Variants in NFRKB observed in about 807,000 individuals in gnomAD.
The protein encoded by NFRKB is nuclear factor related to kappaB binding protein, also known as nuclear factor related to kappa-B-binding protein.
Under a neutral mutation model 135.7 loss-of-function variants are expected in NFRKB, and 62 were observed. The observed-to-expected ratio is 0.46, with a 90% CI of 0.37 to 0.56. NFRKB has a LOEUF of 0.56. Among genes scored for constraint, NFRKB ranks in the 20% least tolerant of loss-of-function variants. The pLI is 0.00. For synonymous variants in NFRKB, 678 were observed against 635.6 expected (o/e 1.07, Z -1.00); for missense variants, 1,545 against 1,662.0 (o/e 0.93, Z 1.22).
intron 24 of NFRKB, among the ~76,000 whole-genome samples, chr11:129,868,962 G>C (rs959698907): frequency 5.9e-5 from 9 of 151,978 alleles, no homozygotes; most frequent in African/African-American, 2.2e-4. Context: ...GGAGGTTGCA[G>C]TGAGCCGAGA....
rs368983287 is a variant in NFRKB, at chr11:129,872,978, C to T, written c.2669G>A (p.Ser890Asn). The change falls in exon 23 of 27, where the codon AGT becomes AAT. Residue 890 changes from serine (S) to asparagine (N), a missense_variant. Coordinates refer to ENST00000682444, the MANE Select transcript of NFRKB (RefSeq NM_001143835.2). ...CCCAGGAGAACTCGTGGCTGGCTTACTCACAGGGCTGGCTGTGGCAGGGAG... is the reference window on the plus strand; with the variant it reads ...CCCAGGAGAACTCGTGGCTGGCTTATTCACAGGGCTGGCTGTGGCAGGGAG... ...TSLPATASPV[S>N]KPATSSPGTS... 2.5e-6 allele frequency: 4 copies of T among 1,614,094 alleles called. No individual in the cohort carries two copies. In the African/African-American group the frequency reaches 5.3e-5, roughly 22 times the overall value.
Position 129,878,282 on chromosome 11 carries a change from C to T in NFRKB, c.1511+27G>A, listed in dbSNP as rs371715739. ...TCTGAACTACAGTTTCCCAGGACACCACCCACCACTACAGTATTGTACTCA... is the reference window on the plus strand; with the variant it reads ...TCTGAACTACAGTTTCCCAGGACACTACCCACCACTACAGTATTGTACTCA... On this transcript the variant is annotated intron_variant, in intron 15 of 26. Coordinates refer to ENST00000682444, the MANE Select transcript of NFRKB (RefSeq NM_001143835.2). The T allele has an allele frequency of 9.3e-6, 15 of 1,610,966 alleles. No homozygotes were observed. The African/African-American group carries it at 1.9e-4, about 20-fold the overall frequency.
At chr11:129,876,631 G>A (rs1475123453) in intron 17 of NFRKB, 90 bp downstream of exon 17, 12 of 1,401,968 alleles carry the variant, frequency 8.6e-6, no homozygotes, top group Non-Finnish European at 1.2e-5. Context: ...CCTGGGTGGA[G>A]GGGTAAGGAG....
chr11:129,882,062 C>G, intron 11 of NFRKB, 24 bp downstream of exon 11: 1 of 1,575,120 alleles, frequency 6.3e-7, no homozygotes, highest in Non-Finnish European at 8.6e-7. Context: ...TCTAATGTAC[C>G]TCCAACTTTT....
At chr11:129,894,184 G>C (rs926971363) in intron 2 of NFRKB, 175 bp downstream of exon 2, 1 of 152,122 alleles carries the variant, frequency 6.6e-6, no homozygotes, top group Non-Finnish European at 1.5e-5. Flanking sequence ...AGGACCACAG[G>C]GAGCTTAAAC....
At chr11:129,887,556 C>G (rs1228364291) in intron 4 of NFRKB, among the ~76,000 whole-genome samples, 1 of 152,158 alleles carries the variant, frequency 6.6e-6, no homozygotes, top group Non-Finnish European at 1.5e-5. Context: ...TCCCAAGAAG[C>G]AGGACATTTT....
Position 129,886,395 on chromosome 11 carries a change from C to A in NFRKB, c.387G>T (p.Lys129Asn), listed in dbSNP as rs1218428156. 10 of 1,614,066 alleles carry A rather than the reference C, an allele frequency of 6.2e-6. No homozygotes were observed. Among genetic ancestry groups the A allele is most frequent in the Non-Finnish European group, 8.5e-6 (10 of 1,180,008 alleles). ...AGTTGAGGTAGCGCTTGTACTGTGA[C>A]TTGAAGCATAACTGCCGGTACTTGA... Reference protein sequence around the residue: ...EVVKYRQLCFKSQYKRYLNSQ... With the variant: ...EVVKYRQLCFNSQYKRYLNSQ... The change falls in exon 5 of 27, where the codon AAG (lysine) becomes AAT (asparagine). Residue 129 changes from lysine (K) to asparagine (N), a missense_variant. This residue lies in a region of NFRKB where 678 missense variants were observed against 646.7 expected (regional missense o/e 1.05). Coordinates refer to ENST00000682444, the MANE Select transcript of NFRKB (RefSeq NM_001143835.2).
chr11:129,874,514 G>A lies in NFRKB; in HGVS notation c.2045C>T (p.Pro682Leu), dbSNP rs1948672529. 1 of 1,613,970 alleles carries A rather than the reference G, an allele frequency of 6.2e-7. No homozygotes were observed. The highest frequency in any genetic ancestry group is 1.1e-5 in the South Asian group (1 of 91,082). ...GAAGTCACTTACCACCTTGGATGGG[G>A]GCTTGGGTTTTTGCTGAAGAGCTTT... Reference protein sequence around the residue: ...ARKALQQKPKPPSKVKSSSKE... With the variant: ...ARKALQQKPKLPSKVKSSSKE... Residue 682 changes from proline (P) to leucine (L), a missense_variant, in exon 20 of 27, where the codon CCC (proline) becomes CTC (leucine). By Grantham distance (98) the Pro-to-Leu change is moderately conservative (BLOSUM62 -3). This residue lies in a region of NFRKB where 753 missense variants were observed against 804.3 expected (regional missense o/e 0.94). Coordinates refer to ENST00000682444, the MANE Select transcript of NFRKB (RefSeq NM_001143835.2). This position sits in a 1 kb window ranked among gnomAD's most constrained non-coding sequence, Gnocchi z 4.5.
chr11:129,876,947 T>C (rs1304651144), intron 16 of NFRKB, 52 bp from the exon 17 acceptor site: 1 of 1,536,472 alleles, frequency 6.5e-7, no homozygotes, highest in Admixed American at 1.8e-5. Context: ...TGGGGTTCTC[T>C]CTCGGGCTTC....
In NFRKB at chr11:129,867,575, C is replaced by T. The variant is rs994745549; in HGVS notation, c.3532-1592G>A. ...CAGGTGATCTGCCCACCTCGGCCTC[C>T]CAAAGTGCTGGGATTACAGGTGTGA... On this transcript the variant is annotated intron_variant, in intron 24 of 26. Transcript: ENST00000682444. Among the ~76,000 whole-genome samples, 48 of 152,252 alleles carry T rather than the reference C, an allele frequency of 3.2e-4. 1 individual carries two copies. Among genetic ancestry groups the T allele is most frequent in the African/African-American group, 7.7e-4 (32 of 41,544 alleles).
rs142696652 is a variant in NFRKB at position 129,875,718 on chromosome 11, G to A, written c.1748-255C>T. ...GTCACCCAGGTTGAGGTGCAAGGGC[G>A]TGATCTCAGCTCACTGCAACCTCCA... is the stretch of plus-strand genomic sequence containing the variant. On this transcript the variant is annotated intron_variant, in intron 17 of 26. Transcript: ENST00000682444. 5.7e-3 allele frequency among the ~76,000 whole-genome samples: 849 copies of A among 147,982 alleles called. 7 individuals carry two copies. The highest frequency in any genetic ancestry group is 0.018 in the African/African-American group (733 of 39,882).
In NFRKB at chr11:129,884,816, G is replaced by A. The variant is rs755726394; in HGVS notation, c.671C>T (p.Ala224Val). The A allele has an allele frequency of 3.1e-6, 5 of 1,614,080 alleles. No individual in the cohort carries two copies. In the African/African-American group the frequency reaches 6.7e-5, roughly 22 times the overall value. The stretch of plus-strand genomic sequence containing the variant: ...GGGCACCGCAGGACTAGGAGAACGT[G>A]CTGGAGAGCTCGGAAGCCATGAGCT... ...DLSSWLPSSP[A>V]RSPSPAVPLR... The change falls in exon 7 of 27, where the codon GCA becomes GTA. Residue 224 changes from alanine to valine, a missense_variant. Physicochemically the swap from Ala to Val is moderately conservative, Grantham distance 64. Around this residue, in one of 3 missense-constraint regions of NFRKB, gnomAD observed 678 missense variants for 646.7 expected, o/e 1.05. Transcript: ENST00000682444.
At chr11:129,869,420 T>C in intron 24 of NFRKB, 74 bp downstream of exon 24, 1 of 1,478,166 alleles carries the variant, frequency 6.8e-7, no homozygotes, top group South Asian at 1.4e-5. Context: ...AGGGAGTTTC[T>C]CGGGTAATGG....
Position 129,881,743 on chromosome 11 carries a change from A to G in NFRKB, c.1302T>C (p.Leu434=), listed in dbSNP as rs1245303153. The G allele has an allele frequency of 1.2e-6, 2 of 1,614,070 alleles. No homozygotes were observed. The highest frequency in any genetic ancestry group is 1.7e-6 in the Non-Finnish European group (2 of 1,180,018). The change falls in exon 12 of 27, where the codon CTT becomes CTC. Residue 434 remains leucine (L), a synonymous_variant. Transcript: ENST00000682444. ...AELVLPALQY[L]AGESRAVPSS... is the part of the protein sequence containing the mutation. The stretch of plus-strand genomic sequence containing the variant: ...GCATCTTACCTCGACTTTCTCCAGC[A>G]AGATACTGCAGGGCTGGTAGTACCA...
chr11:129,888,641 T>C lies in NFRKB; in HGVS notation c.290A>G (p.Asn97Ser), dbSNP rs142880975. 2.0e-4 allele frequency: 322 copies of C among 1,614,088 alleles called. 1 individual carries two copies. The highest frequency in any genetic ancestry group is 3.7e-4 in the Admixed American group (22 of 60,012). ...GTGCAGAGGGTTTCCAAAGCGGAAG[T>C]TCTCCCCACTGAACAAGGCTAAGAT... ...ELILALFSGE[N>S]FRFGNPLHIA... Residue 97 changes from asparagine (N) to serine (S), a missense_variant, in exon 4 of 27, where the codon AAC becomes AGC. Asn to Ser is a conservative substitution (Grantham distance 46). Around this residue, in one of 3 missense-constraint regions of NFRKB, gnomAD observed 678 missense variants for 646.7 expected, o/e 1.05. Transcript: ENST00000682444.
Position 129,864,581 on chromosome 11 carries a change from C to T in NFRKB, c.*144G>A. 5 of 1,163,396 alleles carry T rather than the reference C, an allele frequency of 4.3e-6. No homozygotes were observed. Among genetic ancestry groups the T allele is most frequent in the Non-Finnish European group, 6.1e-6 (5 of 824,532 alleles). 72.1% of individuals were successfully genotyped at this position (1,163,396 alleles called of 1,614,324 possible). On this transcript the variant is annotated 3_prime_UTR_variant, in exon 27 of 27. Coordinates refer to ENST00000682444, the MANE Select transcript of NFRKB (RefSeq NM_001143835.2). ...TGGCACGTGGCAGCAGAATCCAGGC[C>T]ACGAATCCAGGCCACCGTTGCCATC...
intron 24 of NFRKB, among the ~76,000 whole-genome samples, chr11:129,867,836 T>C (rs1948279013): frequency 6.6e-6 from 1 of 152,162 alleles, no homozygotes; most frequent in South Asian, 2.1e-4. Flanking sequence ...TAAACACACA[T>C]GCATCCACAG....
chr11:129,872,929 C>T lies in NFRKB; in HGVS notation c.2718G>A (p.Thr906=), dbSNP rs1376742015. ...CTGTGACATTTTGAATGACGGCAGC[C>T]GTGGAGGCACTGGGAGCAGAGGTCC... ...SPGTSAPSAS[T]AAVIQNVTGQ... is the part of the protein sequence containing the mutation. The change falls in exon 23 of 27, where the codon ACG becomes ACA. Residue 906 remains threonine (T), a synonymous_variant. Transcript: ENST00000682444. 1.1e-5 allele frequency: 17 copies of T among 1,613,762 alleles called. No individual in the cohort carries two copies. Among genetic ancestry groups the T allele is most frequent in the Non-Finnish European group, 1.3e-5 (15 of 1,179,740 alleles).
chr11:129,892,811 T>C lies in NFRKB; in HGVS notation c.39A>G (p.Glu13=). The change falls in exon 3 of 27, where the codon GAA becomes GAG. Residue 13 remains glutamate (E), a synonymous_variant. Coordinates refer to ENST00000682444, the MANE Select transcript of NFRKB (RefSeq NM_001143835.2). ...SLDHMLTDPL[E]LGPCGDGHGT... is the part of the protein sequence containing the mutation. ...CATGGCCATCTCCACACGGACCAAG[T>C]TCCAGAGGATCTGTCAGCATATGGT... The C allele has an allele frequency of 1.2e-6, 2 of 1,614,184 alleles. No homozygotes were observed. The highest frequency in any genetic ancestry group is 1.7e-6 in the Non-Finnish European group (2 of 1,180,028).
Sources: gnomAD v4.1 joint callset for allele counts (sites outside exome capture counted in the v4.1 genomes callset) on GRCh38, gnomAD v4.1.1 for gene constraint, gnomAD v4.1.1 regional missense constraint, Gnocchi (gnomAD v3.1) non-coding constraint, MANE v1.5 for transcripts, NCBI Gene and HGNC (gene_info 2026-07-23, HGNC 2026-07-21) for gene names.